TTC28: variants seen among roughly 807,000 people sequenced by gnomAD.
The protein encoded by TTC28 is tetratricopeptide repeat protein 28.
A neutral mutation model predicts 198.0 loss-of-function variants in TTC28; 61 were observed. That is an observed-to-expected ratio of 0.31 (90% CI 0.25 to 0.38). TTC28 has a LOEUF of 0.38. TTC28 is among the 10% of genes least tolerant of loss of function. The pLI is 1.00. For synonymous variants in TTC28, 1,171 were observed against 1,297.8 expected, an observed-to-expected ratio of 0.90 and a Z score of 2.10; for missense variants, 2,678 against 3,164.0, an observed-to-expected ratio of 0.85 and a Z score of 3.69.
intron 2 of TTC28, among the ~76,000 whole-genome samples, chr22:28,333,370 G>A (rs1174797824): frequency 6.6e-6 from 1 of 151,998 alleles, no homozygotes; most frequent in African/African-American, 2.4e-5. Context: ...AAATAACTTA[G>A]TATACAGATA....
At chr22:28,481,423 T>C (rs2048245259) in intron 2 of TTC28, among the ~76,000 whole-genome samples, 1 of 152,148 alleles carries the variant, frequency 6.6e-6, no homozygotes, top group African/African-American at 2.4e-5. Flanking sequence ...AAAAGTTGTG[T>C]TTTTTTAAAC....
chr22:28,160,462 G>T (rs1921042317), intron 6 of TTC28, among the ~76,000 whole-genome samples: 2 of 152,100 alleles, frequency 1.3e-5, no homozygotes, highest in East Asian at 3.9e-4. Context: ...TTAACAAGTG[G>T]CAATACAATG....
chr22:28,087,006 G>C (rs950890923), intron 12 of TTC28, among the ~76,000 whole-genome samples: 6 of 152,134 alleles, frequency 3.9e-5, no homozygotes, highest in East Asian at 1.9e-4. Context: ...CTCCGAAATT[G>C]TAGCAATAAT....
chr22:28,443,802 G>T (rs1000434371), intron 2 of TTC28, among the ~76,000 whole-genome samples: 2 of 151,848 alleles, frequency 1.3e-5, no homozygotes, highest in African/African-American at 4.8e-5. Context: ...GGCTCCTAAG[G>T]AATCAAAGCC....
At chr22:28,367,035 C>CA (rs1204454488) in intron 2 of TTC28, among the ~76,000 whole-genome samples, 2 of 151,878 alleles carry the variant, frequency 1.3e-5, no homozygotes, top group Admixed American at 6.5e-5. Flanking sequence ...ATCTCCCAGA[C>CA]AAAAAAATCA....
At chr22:27,985,468 C>A (rs1937177957) in intron 21 of TTC28, 112 bp from the exon 22 acceptor site, 2 of 846,342 alleles carry the variant, frequency 2.4e-6, no homozygotes, top group African/African-American at 3.4e-5. Flanking sequence ...CAAGGCCCTT[C>A]AGCAAGCATT....
At chr22:28,192,066 G>A (rs969663088) in intron 5 of TTC28, among the ~76,000 whole-genome samples, 2 of 152,156 alleles carry the variant, frequency 1.3e-5, no homozygotes, top group Non-Finnish European at 2.9e-5. Context: ...CACCTCACAC[G>A]GCCGGGTACT....
chr22:28,596,151 G>A (rs2050538863), intron 2 of TTC28, among the ~76,000 whole-genome samples: 1 of 152,166 alleles, frequency 6.6e-6, no homozygotes, highest in Non-Finnish European at 1.5e-5. Flanking sequence ...TTATATTCAA[G>A]TTGATCTCTG....
chr22:28,174,735 A>C (rs1922995358), intron 5 of TTC28, among the ~76,000 whole-genome samples: 1 of 152,148 alleles, frequency 6.6e-6, no homozygotes, highest in African/African-American at 2.4e-5. Context: ...AAAACTAAGA[A>C]AAATCCACCC....
At chr22:28,436,089 T>C (rs777329010) in intron 2 of TTC28, among the ~76,000 whole-genome samples, 5 of 152,198 alleles carry the variant, frequency 3.3e-5, no homozygotes, top group Non-Finnish European at 7.4e-5. Flanking sequence ...TTTTAATAGG[T>C]GCATAGTTAA....
chr22:28,113,532 C>T (rs769737627), intron 6 of TTC28, among the ~76,000 whole-genome samples: 2 of 152,228 alleles, frequency 1.3e-5, no homozygotes, highest in Non-Finnish European at 2.9e-5. Flanking sequence ...CTCAGACCCA[C>T]TGCCCTCAGC....
At chr22:28,492,688 T>C (rs1276399257) in intron 2 of TTC28, among the ~76,000 whole-genome samples, 1 of 152,110 alleles carries the variant, frequency 6.6e-6, no homozygotes, top group African/African-American at 2.4e-5. Flanking sequence ...GAAGTAGCAA[T>C]AGCAAGTGCC....
At chr22:28,591,283 T>A (rs1272412224) in intron 2 of TTC28, among the ~76,000 whole-genome samples, 1 of 150,740 alleles carries the variant, frequency 6.6e-6, no homozygotes, top group Non-Finnish European at 1.5e-5. Flanking sequence ...ATTTTTTTTA[T>A]ATATATATTT....
intron 2 of TTC28, among the ~76,000 whole-genome samples, chr22:28,564,908 T>A (rs34188840): frequency 1.7e-3 from 245 of 148,014 alleles, no homozygotes; most frequent in Non-Finnish European, 2.6e-3. Flanking sequence ...TATATGTAAT[T>A]TATATATAAA....
chr22:28,173,544 A>G (rs189784365), intron 5 of TTC28, among the ~76,000 whole-genome samples: 4 of 152,380 alleles, frequency 2.6e-5, no homozygotes, highest in Non-Finnish European at 5.9e-5. Flanking sequence ...TCTACAAGAT[A>G]TAAATTACTC....
At chr22:28,599,329 G>C (rs750966968) in intron 2 of TTC28, among the ~76,000 whole-genome samples, 34 of 152,182 alleles carry the variant, frequency 2.2e-4, no homozygotes, top group Non-Finnish European at 4.1e-4. Flanking sequence ...CTGAACCTTT[G>C]GTAACTAGTT....
intron 2 of TTC28, among the ~76,000 whole-genome samples, chr22:28,603,513 A>C (rs578097602): frequency 7.3e-4 from 111 of 152,246 alleles, no homozygotes; most frequent in African/African-American, 2.6e-3. Flanking sequence ...TCAGCCTCCC[A>C]AGTAGCTGGG....
At chr22:28,034,003 A>G (rs1416448626) in intron 12 of TTC28, among the ~76,000 whole-genome samples, 3 of 152,256 alleles carry the variant, frequency 2.0e-5, no homozygotes, top group Non-Finnish European at 4.4e-5. Context: ...TTACAGGATG[A>G]GCAGGGGAGA....
At chr22:28,357,914 A>C (rs1299672011) in intron 2 of TTC28, among the ~76,000 whole-genome samples, 1 of 152,148 alleles carries the variant, frequency 6.6e-6, no homozygotes, top group African/African-American at 2.4e-5. Flanking sequence ...AAAGTTCATC[A>C]AAATGCCAGA....
Sources: gnomAD v4.1 joint callset for allele counts (sites outside exome capture counted in the v4.1 genomes callset) on GRCh38, gnomAD v4.1.1 for gene constraint, MANE v1.5 for transcripts, NCBI Gene and HGNC (gene_info 2026-07-23, HGNC 2026-07-21) for gene names.